RAB22A: variants seen among roughly 807,000 people sequenced by gnomAD.
The protein encoded by RAB22A is ras-related protein Rab-22A.
In RAB22A, 13 loss-of-function variants were observed where a neutral mutation model predicts 30.2. That is an observed-to-expected ratio of 0.43 (90% CI 0.28 to 0.68). The LOEUF is 0.68. Ranked by LOEUF, RAB22A falls within the 30% of genes least tolerant of loss-of-function variation. RAB22A has a pLI of 0.18. For synonymous variants in RAB22A, 89 were observed against 87.2 expected, an observed-to-expected ratio of 1.02 and a Z score of -0.11; for missense variants, 177 against 246.8, an observed-to-expected ratio of 0.72 and a Z score of 1.89.
intron 2 of RAB22A, among the ~76,000 whole-genome samples, chr20:58,322,698 G>A (rs533663419): frequency 5.9e-5 from 9 of 152,232 alleles, no homozygotes; most frequent in African/African-American, 2.2e-4. Context: ...TAAGAACCTC[G>A]CAAGAGCGTC....
At position 58,349,084 on chromosome 20, in the gene RAB22A, C is replaced by T. The variant is rs150484011; in HGVS notation, c.199-4189C>T. Among the ~76,000 whole-genome samples, 345 of 152,288 alleles carry T rather than the reference C, an allele frequency of 2.3e-3. 1 individual carries two copies. Among genetic ancestry groups the T allele is most frequent in the African/African-American group, 7.8e-3 (324 of 41,550 alleles). On this transcript the variant is annotated intron_variant, in intron 3 of 6. Transcript: ENST00000244040. Reference sequence around the variant, plus strand: ...TGACAGCTTTTGAGTCTCTTACATGCCTCCACCTTCTTTCTTTGCATCAAA... The same window carrying T: ...TGACAGCTTTTGAGTCTCTTACATGTCTCCACCTTCTTTCTTTGCATCAAA...
Position 58,354,242 on chromosome 20 carries a change from T to C in RAB22A, c.464T>C (p.Ile155Thr), listed in dbSNP as rs1390832136. The C allele has an allele frequency of 4.3e-6, 7 of 1,612,780 alleles. No individual in the cohort carries two copies. Among genetic ancestry groups the C allele is most frequent in the Non-Finnish European group, 5.1e-6 (6 of 1,178,992 alleles). ...ACCAGCGCAAAAAACGCGATAAACA[T>C]AAATGAACTCTTTATAGAAATTAGT... ...VETSAKNAININELFIEISRR... is the reference protein window; with the variant it reads ...VETSAKNAINTNELFIEISRR... Residue 155 changes from isoleucine (I) to threonine (T), a missense_variant, in exon 6 of 7, where the codon ATA becomes ACA. Ile to Thr is a moderately conservative substitution (Grantham distance 89). Transcript: ENST00000244040.
chr20:58,331,079 C>T (rs1382286541), intron 2 of RAB22A, among the ~76,000 whole-genome samples: 1 of 152,200 alleles, frequency 6.6e-6, no homozygotes, highest in East Asian at 1.9e-4. Context: ...TTCTTCCTCT[C>T]TTACTGCATT....
chr20:58,343,662 G>T (rs1986896001), intron 2 of RAB22A, 56 bp from the exon 3 acceptor site: 10 of 1,375,296 alleles, frequency 7.3e-6, no homozygotes, highest in Middle Eastern at 1.8e-4. Flanking sequence ...TTCCGACTGG[G>T]GCTGGAAACG....
rs1167917968 is a variant in RAB22A, at chr20:58,361,959, C to G, written c.*2256C>G. On this transcript the variant is annotated 3_prime_UTR_variant, in exon 7 of 7. Transcript: ENST00000244040. ...TACTGTACCGAGCCCAATGTGGGTC[C>G]ATCTCATCAGCCCTTTGCTGATTTC... 2 of 152,034 alleles carry G rather than the reference C, an allele frequency of 1.3e-5. No individual in the cohort carries two copies. Among genetic ancestry groups the G allele is most frequent in the African/African-American group, 4.8e-5 (2 of 41,372 alleles). The allele number at this position is 152,034 out of a possible 1,614,324, so 9.4% of individuals were successfully genotyped here. A position where few individuals can be genotyped will look rare whatever the true frequency, so the allele number is the denominator to read the frequency against.
At chr20:58,353,404 C>T (rs1381223616) in intron 4 of RAB22A, 28 bp from the exon 5 acceptor site, 2 of 1,607,894 alleles carry the variant, frequency 1.2e-6, no homozygotes, top group Non-Finnish European at 1.7e-6. Context: ...CTTAGATCTC[C>T]AGTTGCTCTC....
chr20:58,350,638 T>A (rs1248838157), intron 3 of RAB22A, among the ~76,000 whole-genome samples: 1 of 152,248 alleles, frequency 6.6e-6, no homozygotes, highest in Non-Finnish European at 1.5e-5. Flanking sequence ...GAACAGGATC[T>A]TTAAAGTGTG....
chr20:58,338,830 T>C (rs1986807354), intron 2 of RAB22A, among the ~76,000 whole-genome samples: 1 of 152,220 alleles, frequency 6.6e-6, no homozygotes, highest in South Asian at 2.1e-4. Flanking sequence ...GGTGTTTCCA[T>C]CAGTGTACAT....
rs140967971 is a variant in RAB22A at position 58,317,889 on chromosome 20, G to T, written c.116+6767G>T. ...TTTTATTTCTATTTTTTAGAGACAG[G>T]GTCTTGTTCTGTCACCCAGGCTGAG... On this transcript the variant is annotated intron_variant, in intron 2 of 6. Coordinates refer to ENST00000244040, the MANE Select transcript of RAB22A (RefSeq NM_020673.3). Among the ~76,000 whole-genome samples the T allele has an allele frequency of 2.4e-4, 37 of 151,320 alleles. No individual in the cohort carries two copies. The East Asian group carries it at 6.8e-3, about 28-fold the overall frequency.
At chr20:58,318,150 G>GC (rs1986380578) in intron 2 of RAB22A, among the ~76,000 whole-genome samples, 1 of 152,340 alleles carries the variant, frequency 6.6e-6, no homozygotes, top group African/African-American at 2.4e-5. Context: ...TTAGGCATGA[G>GC]CCACAGCATT....
chr20:58,318,769 C>T (rs1402458502), intron 2 of RAB22A, among the ~76,000 whole-genome samples: 1 of 152,152 alleles, frequency 6.6e-6, no homozygotes, highest in Non-Finnish European at 1.5e-5. Flanking sequence ...CATTAAAGTT[C>T]TCTCATTGGG....
intron 2 of RAB22A, among the ~76,000 whole-genome samples, chr20:58,327,057 A>G (rs1464461010): frequency 6.6e-6 from 1 of 152,160 alleles, no homozygotes; most frequent in Non-Finnish European, 1.5e-5. Context: ...CTGTAATCCT[A>G]ACACTCTGGA....
At chr20:58,356,981 C>A (rs754130679) in intron 6 of RAB22A, among the ~76,000 whole-genome samples, 2 of 152,206 alleles carry the variant, frequency 1.3e-5, no homozygotes, top group Non-Finnish European at 2.9e-5. Context: ...TCTAAACATT[C>A]TGATCGTATT....
At chr20:58,338,012 G>A (rs1236295162) in intron 2 of RAB22A, among the ~76,000 whole-genome samples, 1 of 150,210 alleles carries the variant, frequency 6.7e-6, no homozygotes, top group African/African-American at 2.5e-5. Flanking sequence ...TTGCTATTTA[G>A]TTATGTTTGT....
At chr20:58,344,193 G>A (rs1428983629) in intron 3 of RAB22A, among the ~76,000 whole-genome samples, 2 of 152,132 alleles carry the variant, frequency 1.3e-5, no homozygotes, top group African/African-American at 4.8e-5. Context: ...AGCTAAAGAG[G>A]GAACTTTACA....
intron 6 of RAB22A, among the ~76,000 whole-genome samples, chr20:58,356,284 C>T (rs1326215773): frequency 1.3e-5 from 2 of 149,382 alleles, no homozygotes; most frequent in Admixed American, 6.7e-5. Flanking sequence ...GCACTCCAGC[C>T]TGGGCAACAA....
At position 58,365,379 on chromosome 20, in the gene RAB22A, C is replaced by T. The variant is rs930881693; in HGVS notation, c.*5676C>T. 1 of 152,216 alleles carries T rather than the reference C, an allele frequency of 6.6e-6. No individual in the cohort carries two copies. Among genetic ancestry groups the T allele is most frequent in the African/African-American group, 2.4e-5 (1 of 41,458 alleles). 9.4% of individuals were successfully genotyped at this position (152,216 alleles called of 1,614,324 possible). On this transcript the variant is annotated 3_prime_UTR_variant, in exon 7 of 7. Transcript: ENST00000244040. ...GGCATGAGTAGTCCCTGTGCCCATGCCCATGGTGGTGCTTGACTTTGCTTT... is the reference window on the plus strand; with the variant it reads ...GGCATGAGTAGTCCCTGTGCCCATGTCCATGGTGGTGCTTGACTTTGCTTT...
At chr20:58,356,241 G>A (rs1051128584) in intron 6 of RAB22A, among the ~76,000 whole-genome samples, 13 of 151,676 alleles carry the variant, frequency 8.6e-5, no homozygotes, top group Non-Finnish European at 1.5e-4. Flanking sequence ...AACCCGGGAG[G>A]TGGAGATTGC....
chr20:58,337,838 T>C (rs753683751), intron 2 of RAB22A, among the ~76,000 whole-genome samples: 18 of 152,160 alleles, frequency 1.2e-4, no homozygotes, highest in Non-Finnish European at 2.5e-4. Context: ...AAACCCAGCC[T>C]GGAGCCCACA....
Sources: gnomAD v4.1 joint callset for allele counts (sites outside exome capture counted in the v4.1 genomes callset) on GRCh38, gnomAD v4.1.1 for gene constraint, MANE v1.5 for transcripts, NCBI Gene and HGNC (gene_info 2026-07-23, HGNC 2026-07-21) for gene names.